The following DRC11 variants were observed in gnomAD, a reference collection of about 807,000 sequenced individuals.
DRC11 encodes the protein IQ and AAA domain-containing protein 1.
chr2:236,466,323 C>T, the DRC11 span, among the ~76,000 whole-genome samples: 1 of 152,250 alleles, frequency 6.6e-6, no homozygotes, highest in Non-Finnish European at 1.5e-5. Context: ...TTCCCACAAC[C>T]TCTCGTTTTA....
chr2:236,452,424 C>T, the DRC11 span, among the ~76,000 whole-genome samples: 106 of 152,264 alleles, frequency 7.0e-4, no homozygotes, highest in African/African-American at 2.3e-3. The surrounding 1 kb of genome is among the most constrained non-coding windows in gnomAD (Gnocchi z 4.7). Context: ...AGCCGGTCCC[C>T]CCCAAGTCAT....
At chr2:236,382,303 A>C in the DRC11 span, among the ~76,000 whole-genome samples, 1 of 152,240 alleles carries the variant, frequency 6.6e-6, no homozygotes, top group African/African-American at 2.4e-5. Flanking sequence ...CCACTGATCT[A>C]TGTGTTTAGC....
chr2:236,308,107 T>C, the DRC11 span, among the ~76,000 whole-genome samples: 1 of 152,262 alleles, frequency 6.6e-6, no homozygotes, highest in Non-Finnish European at 1.5e-5. The surrounding 1 kb of genome is among the most constrained non-coding windows in gnomAD (Gnocchi z 6.0). Flanking sequence ...CGTGCTGTGC[T>C]TGCTTTGCCA....
At chr2:236,456,974 C>T in the DRC11 span, among the ~76,000 whole-genome samples, 69 of 152,286 alleles carry the variant, frequency 4.5e-4, no homozygotes, top group East Asian at 0.013. The surrounding 1 kb of genome is among the most constrained non-coding windows in gnomAD (Gnocchi z 5.4). Flanking sequence ...GGCAGGAGCC[C>T]GCAGTCCCAA....
the DRC11 span, chr2:236,407,995 G>A: frequency 1.0e-4 from 56 of 550,316 alleles, 2 homozygotes; most frequent in South Asian, 7.6e-4. Flanking sequence ...CTTCTCCAGA[G>A]CCCGCTGTTT....
At chr2:236,411,386 T>C in the DRC11 span, among the ~76,000 whole-genome samples, 1 of 150,084 alleles carries the variant, frequency 6.7e-6, no homozygotes, top group Non-Finnish European at 1.5e-5. Context: ...CATTAAAAAG[T>C]CAGGCAACAA....
At chr2:236,382,103 T>C in the DRC11 span, among the ~76,000 whole-genome samples, 1 of 152,202 alleles carries the variant, frequency 6.6e-6, no homozygotes, top group Non-Finnish European at 1.5e-5. Context: ...TGTGACCCAT[T>C]TTGAATTAAT....
At chr2:236,463,491 TAA>T in the DRC11 span, among the ~76,000 whole-genome samples, 1 of 152,226 alleles carries the variant, frequency 6.6e-6, no homozygotes, top group Admixed American at 6.5e-5. This position sits in a 1 kb window ranked among gnomAD's most constrained non-coding sequence, Gnocchi z 5.0. Context: ...TCTGAATTTT[TAA>T]AAGTCATCAC....
At chr2:236,344,556 C>T in the DRC11 span, 2 of 1,609,370 alleles carry the variant, frequency 1.2e-6, no homozygotes, top group Admixed American at 3.3e-5. Context: ...AAAGTCCTCA[C>T]CATCTTTTCT....
At chr2:236,497,921 T>A in the DRC11 span, among the ~76,000 whole-genome samples, 5 of 152,202 alleles carry the variant, frequency 3.3e-5, no homozygotes, top group Non-Finnish European at 7.3e-5. This position sits in a 1 kb window ranked among gnomAD's most constrained non-coding sequence, Gnocchi z 5.1. Flanking sequence ...ACCCTGTGAA[T>A]GAATAATTAT....
chr2:236,357,466 T>C, the DRC11 span, among the ~76,000 whole-genome samples: 2 of 126,912 alleles, frequency 1.6e-5, no homozygotes, highest in African/African-American at 6.3e-5. Context: ...TATATTTACA[T>C]ATTACATGTA....
the DRC11 span, among the ~76,000 whole-genome samples, chr2:236,430,548 G>T: frequency 6.6e-6 from 1 of 152,170 alleles, no homozygotes; most frequent in South Asian, 2.1e-4. The surrounding 1 kb of genome is among the most constrained non-coding windows in gnomAD (Gnocchi z 6.0). Context: ...CAGGTGTATT[G>T]TAACAATTTA....
At chr2:236,343,019 T>G in the DRC11 span, among the ~76,000 whole-genome samples, 2 of 152,190 alleles carry the variant, frequency 1.3e-5, no homozygotes, top group East Asian at 3.9e-4. This position sits in a 1 kb window ranked among gnomAD's most constrained non-coding sequence, Gnocchi z 6.6. Context: ...ATGGGCAGGG[T>G]TTGCGGGAAT....
At chr2:236,466,407 C>G in the DRC11 span, among the ~76,000 whole-genome samples, 1 of 152,178 alleles carries the variant, frequency 6.6e-6, no homozygotes, top group African/African-American at 2.4e-5. Context: ...TCTGGTTTCT[C>G]TGTTTACCCT....
At chr2:236,357,242 T>G in the DRC11 span, among the ~76,000 whole-genome samples, 7 of 112,500 alleles carry the variant, frequency 6.2e-5, no homozygotes, top group Admixed American at 7.3e-4. Context: ...TGTATATTCA[T>G]ATAGTATATA....
the DRC11 span, among the ~76,000 whole-genome samples, chr2:236,414,355 TTTTATG>T: frequency 6.6e-6 from 1 of 152,208 alleles, no homozygotes. Context: ...AGCTTCATAG[TTTTATG>T]TTTAAGTCCA....
At chr2:236,332,135 A>C in the DRC11 span, 1 of 155,866 alleles carries the variant, frequency 6.4e-6, no homozygotes, top group Non-Finnish European at 1.4e-5. This position sits in a 1 kb window ranked among gnomAD's most constrained non-coding sequence, Gnocchi z 5.1. Flanking sequence ...CATTTTATTA[A>C]ATAGAGCAAT....
chr2:236,462,737 C>T, the DRC11 span, among the ~76,000 whole-genome samples: 2 of 152,014 alleles, frequency 1.3e-5, no homozygotes, highest in African/African-American at 2.4e-5. The surrounding 1 kb of genome is among the most constrained non-coding windows in gnomAD (Gnocchi z 6.4). Flanking sequence ...CACTCTTTGC[C>T]CCAGCCGACA....
the DRC11 span, among the ~76,000 whole-genome samples, chr2:236,373,624 G>A: frequency 2.0e-5 from 3 of 152,218 alleles, no homozygotes; most frequent in Non-Finnish European, 4.4e-5. Context: ...TTTTTGGGAA[G>A]TTAATGTTTT....
Sources: gnomAD v4.1 joint callset for allele counts (sites outside exome capture counted in the v4.1 genomes callset) on GRCh38, gnomAD v4.1.1 for gene constraint, Gnocchi (gnomAD v3.1) non-coding constraint, MANE v1.5 for transcripts, NCBI Gene and HGNC (gene_info 2026-07-23, HGNC 2026-07-21) for gene names.